PDE1C: variants seen among roughly 807,000 people sequenced by gnomAD.
The protein encoded by PDE1C is dual specificity calcium/calmodulin-dependent 3',5'-cyclic nucleotide phosphodiesterase 1C.
A neutral mutation model predicts 93.1 loss-of-function variants in PDE1C; 62 were observed. The observed-to-expected ratio is 0.67, with a 90% CI of 0.54 to 0.82. The LOEUF is 0.82. Among genes scored for constraint, PDE1C ranks in the 40% least tolerant of loss-of-function variants. The probability of loss-of-function intolerance (pLI) is 0.00; values close to 1 mark genes in which losing one functional copy is unlikely to be tolerated. For missense variants in PDE1C, 742 were observed against 884.6 expected (o/e 0.84, Z 2.04); for synonymous variants, 325 against 310.1 (o/e 1.05, Z -0.50).
At chr7:31,975,936 C>T (rs1373172400) in intron 2 of PDE1C, among the ~76,000 whole-genome samples, 1 of 152,194 alleles carries the variant, frequency 6.6e-6, no homozygotes, top group East Asian at 1.9e-4. Context: ...TATCACAACT[C>T]AGGTTGATGT....
chr7:32,382,171 T>C (rs1225173270), intron 1 of PDE1C, among the ~76,000 whole-genome samples: 1 of 152,004 alleles, frequency 6.6e-6, no homozygotes, highest in Non-Finnish European at 1.5e-5. Flanking sequence ...ACCACTACAA[T>C]CCACCTTCCT....
intron 2 of PDE1C, among the ~76,000 whole-genome samples, chr7:31,976,281 T>C (rs1811652026): frequency 6.6e-6 from 1 of 152,222 alleles, no homozygotes; most frequent in African/African-American, 2.4e-5. Flanking sequence ...ATTCAAACAT[T>C]TGTTGAACAA....
intron 11 of PDE1C, among the ~76,000 whole-genome samples, chr7:31,834,537 G>A (rs1790821616): frequency 6.6e-6 from 1 of 152,152 alleles, no homozygotes; most frequent in Non-Finnish European, 1.5e-5. Flanking sequence ...AGAGTCAAAA[G>A]GAGATCATTT....
At chr7:31,885,068 C>T (rs1222586226) in intron 2 of PDE1C, among the ~76,000 whole-genome samples, 1 of 152,076 alleles carries the variant, frequency 6.6e-6, no homozygotes, top group Non-Finnish European at 1.5e-5. Flanking sequence ...GAGGCCAGGT[C>T]CCATGGTATG....
chr7:32,205,601 A>T (rs1584953919), intron 2 of PDE1C, among the ~76,000 whole-genome samples: 1 of 68,488 alleles, frequency 1.5e-5, no homozygotes, highest in Admixed American at 2.2e-4. Flanking sequence ...AAAGCAGGCC[A>T]ACCCCCCAGC....
chr7:31,852,208 T>C (rs902521673), intron 7 of PDE1C, among the ~76,000 whole-genome samples: 1 of 152,168 alleles, frequency 6.6e-6, no homozygotes, highest in African/African-American at 2.4e-5. Flanking sequence ...GACATAGAAC[T>C]TATGAAAAAT....
chr7:32,205,618 G>A (rs73106510), intron 2 of PDE1C, among the ~76,000 whole-genome samples: 45,572 of 152,026 alleles, frequency 0.3, 7,115 homozygotes, highest in African/African-American at 0.38. Context: ...CAGCCAACCC[G>A]TTTGGGTCTG....
At chr7:32,377,970 C>G (rs1443357174) in intron 1 of PDE1C, among the ~76,000 whole-genome samples, 1 of 152,126 alleles carries the variant, frequency 6.6e-6, no homozygotes, top group African/African-American at 2.4e-5. Context: ...AAATCCCTTC[C>G]GTTAATCCCT....
chr7:31,989,029 G>A (rs1783800882), intron 2 of PDE1C, among the ~76,000 whole-genome samples: 7 of 131,518 alleles, frequency 5.3e-5, no homozygotes, highest in Admixed American at 3.0e-4. Flanking sequence ...GAGAGAGAGA[G>A]AAAGAGAGAA....
At chr7:31,758,691 GGTTT>G (rs558211575) in intron 17 of PDE1C, among the ~76,000 whole-genome samples, 47 of 152,238 alleles carry the variant, frequency 3.1e-4, no homozygotes, top group African/African-American at 9.9e-4. Flanking sequence ...TATTATTATA[GGTTT>G]GTTTATTAGA....
At chr7:31,809,624 T>A (rs1787311071) in intron 15 of PDE1C, among the ~76,000 whole-genome samples, 1 of 152,072 alleles carries the variant, frequency 6.6e-6, no homozygotes, top group South Asian at 2.1e-4. Flanking sequence ...AAAATGCTAT[T>A]CTTAGAACAC....
At chr7:31,651,910 TTTG>T in the PDE1C span, 1 of 1,495,240 alleles carries the variant, frequency 6.7e-7, no homozygotes, top group Non-Finnish European at 9.1e-7. Flanking sequence ...GATTGTTAAA[TTTG>T]GTTATTTTCT....
At chr7:31,648,482 C>G in the PDE1C span, among the ~76,000 whole-genome samples, 1 of 151,986 alleles carries the variant, frequency 6.6e-6, no homozygotes, top group African/African-American at 2.4e-5. Context: ...TTCCAAATAA[C>G]CAGAAGATGG....
At chr7:32,176,447 T>C (rs778956621) in intron 2 of PDE1C, among the ~76,000 whole-genome samples, 29 of 152,188 alleles carry the variant, frequency 1.9e-4, no homozygotes, top group Non-Finnish European at 3.7e-4. Context: ...GTAAGACAGG[T>C]TGGAGATGAA....
intron 11 of PDE1C, among the ~76,000 whole-genome samples, chr7:31,835,188 T>C (rs1420591972): frequency 6.6e-6 from 1 of 152,158 alleles, no homozygotes; most frequent in Non-Finnish European, 1.5e-5. Context: ...AATTACCCAG[T>C]CTTGAGTATG....
downstream of PDE1C, among the ~76,000 whole-genome samples, chr7:31,748,768 T>A (rs759432353): frequency 6.6e-6 from 1 of 152,206 alleles, no homozygotes; most frequent in African/African-American, 2.4e-5. Context: ...GGAGGCCAAG[T>A]CATGAAGCCT....
chr7:31,963,571 G>A (rs1223077614), intron 2 of PDE1C, among the ~76,000 whole-genome samples: 1 of 152,040 alleles, frequency 6.6e-6, no homozygotes, highest in East Asian at 1.9e-4. Flanking sequence ...TCATATTATT[G>A]CTTGTATATT....
the PDE1C span, chr7:31,708,035 T>C: frequency 6.6e-6 from 1 of 152,268 alleles, no homozygotes; most frequent in South Asian, 2.1e-4. Flanking sequence ...TTATCAATGG[T>C]AGATAAAATA....
rs182142544 is a variant in PDE1C, at chr7:31,805,224, G to T, written c.1891+3807C>A. Among the ~76,000 whole-genome samples, 455 of 151,620 alleles carry T rather than the reference G, an allele frequency of 3.0e-3. 5 individuals carry two copies. The highest frequency in any genetic ancestry group is 0.01 in the African/African-American group (428 of 41,406). On this transcript the variant is annotated intron_variant, in intron 16 of 17. Coordinates refer to ENST00000396191, the MANE Select transcript of PDE1C (RefSeq NM_001191057.4). ...TCCTTTATAAATTACCCAGTTTGGGGTATGTCTTTATTAGCGGCCTGAGGA... is the reference window on the plus strand; with the variant it reads ...TCCTTTATAAATTACCCAGTTTGGGTTATGTCTTTATTAGCGGCCTGAGGA...
Sources: gnomAD v4.1 joint callset for allele counts (sites outside exome capture counted in the v4.1 genomes callset) on GRCh38, gnomAD v4.1.1 for gene constraint, MANE v1.5 for transcripts, NCBI Gene and HGNC (gene_info 2026-07-23, HGNC 2026-07-21) for gene names.